PLCH2: variants seen among roughly 807,000 people sequenced by gnomAD.
The protein encoded by PLCH2 is phospholipase C eta 2.
Under a neutral mutation model 134.7 loss-of-function variants are expected in PLCH2, and 98 were observed. That is an observed-to-expected ratio of 0.73 (90% confidence interval 0.62 to 0.86). PLCH2 has a LOEUF of 0.86. PLCH2 is among the 40% of genes least tolerant of loss of function. PLCH2 has a pLI of 0.00. For missense variants in PLCH2, 1,994 were observed against 1,986.6 expected (o/e 1.00, Z -0.07); for synonymous variants, 974 against 827.5 (o/e 1.18, Z -3.04).
At chr1:2,450,052 G>A (rs1350205632) in intron 2 of PLCH2, among the ~76,000 whole-genome samples, 1 of 152,192 alleles carries the variant, frequency 6.6e-6, no homozygotes, top group Non-Finnish European at 1.5e-5. Flanking sequence ...GGCTCCCCTG[G>A]GGTCTCCTGA....
Position 2,496,587 on chromosome 1 carries a change from A to G in PLCH2, c.1836-20A>G, listed in dbSNP as rs1034831679. ...CTGGCCCTGGACGGGAGGGGTTCTG[A>G]CCCCCTGCACCTGCCACAGGGCGAC... On this transcript the variant is annotated intron_variant, in intron 13 of 21. Transcript: ENST00000378486. 3 of 1,592,092 alleles carry G rather than the reference A, an allele frequency of 1.9e-6. No homozygotes were observed. Among genetic ancestry groups the G allele is most frequent in the Non-Finnish European group, 2.6e-6 (3 of 1,169,898 alleles).
At position 2,504,783 on chromosome 1, in the gene PLCH2, G is replaced by A. The variant is rs368296037; in HGVS notation, c.3821G>A (p.Arg1274His). The stretch of plus-strand genomic sequence containing the variant: ...GCCCCTAGCTTTGAGGGCGGCTCCC[G>A]CAGACTGAGCCACAGCCTGGGCCTC... Reference protein sequence around the residue: ...DFAPSFEGGSRRLSHSLGLPG... With the variant: ...DFAPSFEGGSHRLSHSLGLPG... The change falls in exon 22 of 22, where the codon CGC (arginine) becomes CAC (histidine). Residue 1274 changes from arginine (R) to histidine (H), a missense_variant. Arg to His is a conservative substitution (Grantham distance 29). Around this residue, in one of 2 missense-constraint regions of PLCH2, gnomAD observed 900 missense variants for 752.3 expected, o/e 1.20. Transcript: ENST00000378486. The A allele has an allele frequency of 5.1e-5, 83 of 1,612,004 alleles. No individual in the cohort carries two copies. In the East Asian group the frequency reaches 6.9e-4, roughly 13 times the overall value.
intron 2 of PLCH2, among the ~76,000 whole-genome samples, chr1:2,441,770 A>G (rs892934297): frequency 2.0e-5 from 3 of 152,006 alleles, no homozygotes; most frequent in African/African-American, 7.2e-5. Context: ...TCCTTGGAGG[A>G]GAAGCCCTGG....
intron 12 of PLCH2, 90 bp from the exon 13 acceptor site, chr1:2,495,398 G>T (rs141755777): frequency 8.0e-6 from 9 of 1,120,294 alleles, no homozygotes; most frequent in Non-Finnish European, 1.2e-5. Flanking sequence ...TGGGGACCCC[G>T]GAGGATAGGC....
the PLCH2 span, among the ~76,000 whole-genome samples, chr1:2,416,391 G>A: frequency 1.8e-4 from 6 of 34,064 alleles, no homozygotes; most frequent in East Asian, 2.7e-3. Context: ...AGCTGGCCCC[G>A]AGTACAGGGA....
At chr1:2,455,609 A>G (rs2100569384) in intron 2 of PLCH2, among the ~76,000 whole-genome samples, 1 of 152,164 alleles carries the variant, frequency 6.6e-6, no homozygotes, top group South Asian at 2.1e-4. Context: ...CCTGTGGGGG[A>G]TGCCGACGCT....
intron 11 of PLCH2, chr1:2,494,542 T>G: frequency 2.1e-6 from 1 of 478,786 alleles, no homozygotes; most frequent in Non-Finnish European, 3.8e-6. Context: ...AAAAAAGGAT[T>G]CAGAACTTAA....
At chr1:2,473,925 G>A (rs1289331380), upstream of PLCH2, among the ~76,000 whole-genome samples, 1 of 152,264 alleles carries the variant, frequency 6.6e-6, no homozygotes, top group Non-Finnish European at 1.5e-5. Flanking sequence ...CCCACATCAG[G>A]TGTCCTGGCT....
At chr1:2,445,603 G>T (rs1359192697) in intron 2 of PLCH2, among the ~76,000 whole-genome samples, 3 of 152,004 alleles carry the variant, frequency 2.0e-5, no homozygotes, top group African/African-American at 7.3e-5. Context: ...GTTGGCAGCG[G>T]CCCCTCCTGT....
At chr1:2,433,055 T>C (rs906111277) in intron 2 of PLCH2, among the ~76,000 whole-genome samples, 14 of 152,324 alleles carry the variant, frequency 9.2e-5, no homozygotes, top group Admixed American at 8.5e-4. Flanking sequence ...TGTTTCCCTC[T>C]GGGAGGATCG....
chr1:2,455,009 A>G (rs1640421233), intron 2 of PLCH2, among the ~76,000 whole-genome samples: 1 of 151,870 alleles, frequency 6.6e-6, no homozygotes, highest in Admixed American at 6.5e-5. Flanking sequence ...GCCTGAGCAC[A>G]TGCGCCCAGC....
chr1:2,472,506 C>T (rs185590005), upstream of PLCH2, among the ~76,000 whole-genome samples: 3 of 152,270 alleles, frequency 2.0e-5, no homozygotes, highest in East Asian at 3.9e-4. Flanking sequence ...TCATGCCTCA[C>T]TGCTGCTGAG....
chr1:2,503,283 C>A, intron 21 of PLCH2: 1 of 565,222 alleles, frequency 1.8e-6, no homozygotes, highest in Non-Finnish European at 3.2e-6. Context: ...GCCCCTGATG[C>A]CTTTCCTGGG....
upstream of PLCH2, among the ~76,000 whole-genome samples, chr1:2,475,619 C>T (rs1397294596): frequency 1.3e-5 from 2 of 152,220 alleles, no homozygotes; most frequent in South Asian, 2.1e-4. Context: ...GGCGAGGCCC[C>T]TGTCCAGGTC....
chr1:2,502,454 C>T lies in PLCH2; in HGVS notation c.2959+45C>T, dbSNP rs556532445. The stretch of plus-strand genomic sequence containing the variant: ...GGCAGAGAAGAGCCCTGTGCGAGTG[C>T]GGCCCCCGCGTGTCCTGGACGGCCC... On this transcript the variant is annotated intron_variant, in intron 21 of 21. Coordinates refer to ENST00000378486, the MANE Select transcript of PLCH2 (RefSeq NM_014638.4). 160 of 1,521,840 alleles carry T rather than the reference C, an allele frequency of 1.1e-4. 1 individual carries two copies. The African/African-American group carries it at 1.7e-3, about 17-fold the overall frequency. The allele number at this position is 1,521,840 out of a possible 1,614,324, so 94.3% of individuals were successfully genotyped here.
chr1:2,464,337 A>G (rs539301426), upstream of PLCH2, among the ~76,000 whole-genome samples: 3 of 152,184 alleles, frequency 2.0e-5, no homozygotes, highest in African/African-American at 7.2e-5. Context: ...GTGCTCAAAC[A>G]CAGGGTCACC....
intron 2 of PLCH2, among the ~76,000 whole-genome samples, chr1:2,458,088 T>A (rs1640586704): frequency 1.3e-5 from 2 of 151,608 alleles, no homozygotes; most frequent in Non-Finnish European, 2.9e-5. Context: ...TGAGTGGGGG[T>A]GGGCCATGCC....
Position 2,486,896 on chromosome 1 carries a change from C to T in PLCH2, c.817-11C>T, listed in dbSNP as rs1310473527. The T allele has an allele frequency of 6.3e-7, 1 of 1,594,240 alleles. No homozygotes were observed. The highest frequency in any genetic ancestry group is 1.1e-5 in the South Asian group (1 of 87,522). On this transcript the variant is annotated splice_polypyrimidine_tract_variant and intron_variant, in intron 5 of 21. Coordinates refer to ENST00000378486, the MANE Select transcript of PLCH2 (RefSeq NM_014638.4). ...TGGGCTGCCTGGACTCATGCCCCTG[C>T]TCTGGCCTAGATGGCGGGTGTGACC...
At chr1:2,496,444 C>T (rs1642888294) in intron 13 of PLCH2, among the ~76,000 whole-genome samples, 163 bp from the exon 14 acceptor site, 1 of 152,256 alleles carries the variant, frequency 6.6e-6, no homozygotes. Context: ...GCCCAGCACT[C>T]AGGTTTCCGC....
Sources: allele counts gnomAD v4.1 joint callset (sites outside exome capture counted in the v4.1 genomes callset), GRCh38; gene constraint gnomAD v4.1.1; regional missense constraint gnomAD v4.1.1; transcripts MANE v1.5; gene names NCBI Gene and HGNC (gene_info 2026-07-23, HGNC 2026-07-21).